Variants in CDH12 observed in about 807,000 individuals in gnomAD.
CDH12 encodes cadherin 12.
In CDH12, 41 loss-of-function variants were observed where a neutral mutation model predicts 74.1. That is an observed-to-expected ratio of 0.55 (90% CI 0.43 to 0.72). CDH12 has a LOEUF of 0.72. Among genes scored for constraint, CDH12 ranks in the 30% least tolerant of loss-of-function variants. The pLI, the probability that CDH12 is intolerant of heterozygous loss-of-function variation, is 0.00. For synonymous variants in CDH12, 399 were observed against 355.0 expected, an observed-to-expected ratio of 1.12 and a Z score of -1.39; for missense variants, 945 against 977.2, an observed-to-expected ratio of 0.97 and a Z score of 0.44.
intron 6 of CDH12, among the ~76,000 whole-genome samples, chr5:21,934,198 C>A (rs1415467070): frequency 6.6e-6 from 1 of 152,062 alleles, no homozygotes; most frequent in Non-Finnish European, 1.5e-5. Context: ...AATTGTGATC[C>A]CCAGTGTTGG....
At chr5:22,254,168 A>C (rs1753228511) in intron 3 of CDH12, among the ~76,000 whole-genome samples, 1 of 151,884 alleles carries the variant, frequency 6.6e-6, no homozygotes, top group Non-Finnish European at 1.5e-5. Context: ...TTAGGTATAT[A>C]CATGAATAAC....
chr5:22,831,975 C>G (rs1050124336), intron 1 of CDH12, among the ~76,000 whole-genome samples: 1 of 152,046 alleles, frequency 6.6e-6, no homozygotes, highest in African/African-American at 2.4e-5. Context: ...TTCAACTTAT[C>G]TAATCTTGAT....
At chr5:21,883,014 A>T in intron 6 of CDH12, 1 of 1,608,274 alleles carries the variant, frequency 6.2e-7, no homozygotes, top group Non-Finnish European at 8.5e-7. Context: ...GGAAATCAGG[A>T]GAGGTGTGAT....
At chr5:21,837,314 T>C (rs1487642955) in intron 8 of CDH12, among the ~76,000 whole-genome samples, 1 of 152,052 alleles carries the variant, frequency 6.6e-6, no homozygotes, top group Non-Finnish European at 1.5e-5. Flanking sequence ...ACATGCATGA[T>C]ACAAATGCCT....
intron 1 of CDH12, among the ~76,000 whole-genome samples, chr5:22,698,561 G>C (rs1446894347): frequency 1.3e-5 from 2 of 150,794 alleles, no homozygotes; most frequent in African/African-American, 4.9e-5. Context: ...TTTCATGAAT[G>C]ACTGACAGGA....
chr5:21,784,303 A>G (rs938315660), intron 10 of CDH12, among the ~76,000 whole-genome samples: 2 of 152,148 alleles, frequency 1.3e-5, no homozygotes, highest in African/African-American at 4.8e-5. Context: ...TGTGTTTTCA[A>G]TCATAACAAT....
In CDH12 at chr5:22,452,403, T is replaced by C. The variant is rs78602851; in HGVS notation, c.-427-47052A>G. On this transcript the variant is annotated intron_variant, in intron 2 of 14. Coordinates refer to ENST00000382254, the MANE Select transcript of CDH12 (RefSeq NM_004061.5). ...GACCAATGGAACAGAATAAAGAACT[T>C]GGAAATATATTTACACATTTACAGT... Among the ~76,000 whole-genome samples, 425 of 151,914 alleles carry C rather than the reference T, an allele frequency of 2.8e-3. 1 individual carries two copies. Among genetic ancestry groups the C allele is most frequent in the African/African-American group, 1.0e-2 (414 of 41,512 alleles).
intron 5 of CDH12, among the ~76,000 whole-genome samples, chr5:22,010,123 T>C (rs1737217494): frequency 1.3e-5 from 2 of 152,130 alleles, no homozygotes; most frequent in South Asian, 2.1e-4. Context: ...ATTTATATAC[T>C]AAGTTATTTT....
At chr5:22,829,125 G>A (rs1736466639) in intron 1 of CDH12, among the ~76,000 whole-genome samples, 1 of 152,090 alleles carries the variant, frequency 6.6e-6, no homozygotes, top group Admixed American at 6.5e-5. Flanking sequence ...TCTAATAATA[G>A]ATGAGTTATT....
intron 3 of CDH12, among the ~76,000 whole-genome samples, chr5:22,295,540 T>A (rs1459675271): frequency 6.6e-6 from 1 of 152,152 alleles, no homozygotes; most frequent in Non-Finnish European, 1.5e-5. Flanking sequence ...AAAGCACCAA[T>A]GCCTGGGGGA....
At chr5:22,471,924 A>G (rs1361146287) in intron 2 of CDH12, among the ~76,000 whole-genome samples, 1 of 152,198 alleles carries the variant, frequency 6.6e-6, no homozygotes, top group African/African-American at 2.4e-5. Flanking sequence ...AAGAGAAGTG[A>G]GATCATGCTC....
At chr5:22,175,163 ATAAATTTAGTTCTTTCTTT>A (rs1176478526) in intron 4 of CDH12, among the ~76,000 whole-genome samples, 1 of 152,096 alleles carries the variant, frequency 6.6e-6, no homozygotes, top group African/African-American at 2.4e-5. Context: ...TGTCTCATAA[ATAAATTTAGTTCTTTCTTT>A]TAGGTTTAAT....
intron 2 of CDH12, among the ~76,000 whole-genome samples, chr5:22,481,667 G>A (rs561044718): frequency 3.9e-5 from 6 of 152,304 alleles, no homozygotes; most frequent in African/African-American, 1.2e-4. Flanking sequence ...GAAGCAGAGA[G>A]TAGAATGATA....
intron 3 of CDH12, chr5:22,213,888 G>C (rs1425522946): frequency 6.6e-6 from 1 of 152,296 alleles, no homozygotes; most frequent in Admixed American, 6.6e-5. Context: ...GGTCTCACTT[G>C]GGACATATGG....
At chr5:22,180,731 C>G (rs1749598124) in intron 4 of CDH12, among the ~76,000 whole-genome samples, 1 of 151,954 alleles carries the variant, frequency 6.6e-6, no homozygotes, top group Admixed American at 6.6e-5. Context: ...GAACTCCTGA[C>G]CTCAAGTGAT....
chr5:22,640,094 G>C (rs1043486896), intron 1 of CDH12, among the ~76,000 whole-genome samples: 28 of 152,250 alleles, frequency 1.8e-4, no homozygotes, highest in African/African-American at 6.5e-4. Flanking sequence ...TAATTTTGAT[G>C]ATTTGCAGCC....
intron 3 of CDH12, among the ~76,000 whole-genome samples, chr5:22,243,566 T>C (rs2150382120): frequency 6.6e-6 from 1 of 152,248 alleles, no homozygotes; most frequent in Middle Eastern, 3.4e-3. Flanking sequence ...CTAGATTATT[T>C]TAGAAAACCC....
chr5:22,838,696 G>A (rs1186368988), intron 1 of CDH12, among the ~76,000 whole-genome samples: 1 of 138,330 alleles, frequency 7.2e-6, no homozygotes, highest in African/African-American at 2.7e-5. Flanking sequence ...TGTATTTTGA[G>A]ATGAGGTCTC....
intron 8 of CDH12, among the ~76,000 whole-genome samples, chr5:21,830,199 C>CAAAAAAAAAAAAAAAAAAAAAAA (rs1055199877): frequency 4.0e-5 from 1 of 25,234 alleles, no homozygotes; most frequent in African/African-American, 1.2e-4. Flanking sequence ...AACTCCTTCT[C>CAAAAAAAAAAAAAAAAAAAAAAA]AAAAAAAAAA....
Sources: gnomAD v4.1 joint callset for allele counts (sites outside exome capture counted in the v4.1 genomes callset) on GRCh38, gnomAD v4.1.1 for gene constraint, MANE v1.5 for transcripts, NCBI Gene and HGNC (gene_info 2026-07-23, HGNC 2026-07-21) for gene names.